ARRDC3: variants seen among roughly 807,000 people sequenced by gnomAD.
The protein encoded by ARRDC3 is arrestin domain-containing protein 3.
A neutral mutation model predicts 47.2 loss-of-function variants in ARRDC3; 10 were observed. That is an observed-to-expected ratio of 0.21 (90% CI 0.13 to 0.36). The LOEUF (loss-of-function observed/expected upper bound fraction) is 0.36, where lower values mean the gene tolerates loss of function less well. Ranked by LOEUF, ARRDC3 falls within the 10% of genes least tolerant of loss-of-function variation. ARRDC3 has a pLI of 1.00. For synonymous variants in ARRDC3, 156 were observed against 178.3 expected (o/e 0.87, Z 1.00); for missense variants, 381 against 503.6 (o/e 0.76, Z 2.33).
At position 91,375,560 on chromosome 5, in the gene ARRDC3, T is replaced by G. The variant is rs1451010514; in HGVS notation, c.564A>C (p.Ser188=). 1.2e-6 allele frequency: 2 copies of G among 1,612,200 alleles called. No individual in the cohort carries two copies. The highest frequency in any genetic ancestry group is 2.2e-5 in the South Asian group (2 of 90,834). The part of the protein sequence containing the change: ...EKTLCCWFCT[S]GPISLSAKIE... ...TTTTGGCACTTAAGGATATTGGGCC[T>G]GAGGTACAGAACCAGCAACAGAGTG... The change falls in exon 4 of 8, where the codon TCA becomes TCC. Residue 188 remains serine, a synonymous_variant. Transcript: ENST00000265138.
At chr5:91,376,168 G>A (rs1338150940) in intron 3 of ARRDC3, among the ~76,000 whole-genome samples, 1 of 152,048 alleles carries the variant, frequency 6.6e-6, no homozygotes, top group Non-Finnish European at 1.5e-5. Flanking sequence ...CTTTAAAAAA[G>A]GAGTTTTTTA....
intron 2 of ARRDC3, among the ~76,000 whole-genome samples, chr5:91,376,992 C>T (rs1343632802): frequency 6.6e-6 from 1 of 151,986 alleles, no homozygotes; most frequent in Non-Finnish European, 1.5e-5. Flanking sequence ...TTTAAAAAGC[C>T]AGAAGAATAC....
chr5:91,372,946 C>T (rs935495499), intron 7 of ARRDC3, among the ~76,000 whole-genome samples: 1 of 152,186 alleles, frequency 6.6e-6, no homozygotes, highest in African/African-American at 2.4e-5. Flanking sequence ...ACCCCACCTA[C>T]TCACTCCTTG....
rs1799095390 is a variant in ARRDC3 at position 91,368,671 on chromosome 5, G to A, written c.*2729C>T. ...TTTAATAGTTTAATTTAATGTGTTT[G>A]CATGTATGGTGAGTTACTAATATGA... On this transcript the variant is annotated 3_prime_UTR_variant, in exon 8 of 8. Transcript: ENST00000265138. 6.6e-6 allele frequency: 1 copy of A among 152,230 alleles called. No individual in the cohort carries two copies. Among genetic ancestry groups the A allele is most frequent in the African/African-American group, 2.4e-5 (1 of 41,414 alleles). The allele number at this position is 152,230 out of a possible 1,614,324, so 9.4% of individuals were successfully genotyped here. A position where few individuals can be genotyped will look rare whatever the true frequency, so the allele number is the denominator to read the frequency against.
At chr5:91,375,664 C>G (rs1208023858) in intron 3 of ARRDC3, 51 bp from the exon 4 acceptor site, 3 of 1,182,950 alleles carry the variant, frequency 2.5e-6, no homozygotes, top group African/African-American at 3.1e-5. Flanking sequence ...TTGGTACAAT[C>G]AATACCAGAA....
intron 1 of ARRDC3, 96 bp from the exon 2 acceptor site, chr5:91,378,871 A>G (rs1799370011): frequency 3.0e-6 from 2 of 658,398 alleles, no homozygotes; most frequent in East Asian, 6.4e-5. Context: ...CATAACAATT[A>G]AGACCACAAA....
intron 2 of ARRDC3, 80 bp from the exon 3 acceptor site, chr5:91,376,848 A>T (rs1799315776): frequency 7.6e-7 from 1 of 1,315,006 alleles, no homozygotes; most frequent in East Asian, 2.6e-5. Context: ...TAGAAGTGTT[A>T]ATATATTGTA....
At chr5:91,378,997 T>C (rs943646094) in intron 1 of ARRDC3, among the ~76,000 whole-genome samples, 3 of 152,084 alleles carry the variant, frequency 2.0e-5, no homozygotes, top group African/African-American at 2.4e-5. Flanking sequence ...TAATGAATAC[T>C]CACACCCCAC....
chr5:91,379,239 TGAATA>T (rs1324805171), intron 1 of ARRDC3, among the ~76,000 whole-genome samples: 1 of 137,104 alleles, frequency 7.3e-6, no homozygotes, highest in African/African-American at 2.8e-5. Context: ...ATACCAGATG[TGAATA>T]GAATAGATAC....
chr5:91,377,940 T>G (rs992917414), intron 2 of ARRDC3, among the ~76,000 whole-genome samples: 2 of 152,124 alleles, frequency 1.3e-5, no homozygotes, highest in East Asian at 3.8e-4. Flanking sequence ...CAAAATCTTA[T>G]GTAATCTGTT....
rs946231641 is a variant in ARRDC3 at position 91,369,397 on chromosome 5, C to G, written c.*2003G>C. On this transcript the variant is annotated 3_prime_UTR_variant, in exon 8 of 8. Transcript: ENST00000265138. ...TCAACAATAAAAAAATATTTCACCC[C>G]CATTTCCTTATTATCTAGTATTAGT... 3 of 151,972 alleles carry G rather than the reference C, an allele frequency of 2.0e-5. No individual in the cohort carries two copies. The highest frequency in any genetic ancestry group is 7.3e-5 in the African/African-American group (3 of 41,212). The allele number at this position is 151,972 out of a possible 1,614,324, so 9.4% of individuals were successfully genotyped here.
At position 91,375,189 on chromosome 5, in the gene ARRDC3, A is replaced by T. The variant is rs1156797980; in HGVS notation, c.614-11T>A. Reference sequence around the variant, plus strand: ...TCTGAATTGATTCACCTAGAGAGGGAAAAATATATACATATCTACTGTTAG... The same window carrying T: ...TCTGAATTGATTCACCTAGAGAGGGTAAAATATATACATATCTACTGTTAG... On this transcript the variant is annotated splice_polypyrimidine_tract_variant and intron_variant, in intron 4 of 7. Coordinates refer to ENST00000265138, the MANE Select transcript of ARRDC3 (RefSeq NM_020801.4). 1 of 1,609,456 alleles carries T rather than the reference A, an allele frequency of 6.2e-7. No homozygotes were observed. Among genetic ancestry groups the T allele is most frequent in the Non-Finnish European group, 8.5e-7 (1 of 1,178,524 alleles).
intron 3 of ARRDC3, among the ~76,000 whole-genome samples, chr5:91,376,090 T>C (rs1799292786): frequency 6.6e-6 from 1 of 152,188 alleles, no homozygotes. Flanking sequence ...TTACCATTTG[T>C]TTAAATCAAA....
Position 91,383,309 on chromosome 5 carries a change from TAC to T in ARRDC3, c.-219_-218del. ...CTCCCGCTCGTCTCAGTGGTCTCCT[TAC>T]AAAGACGGGCGGCTAAAAGCTGCCA... On this transcript the variant is annotated 5_prime_UTR_variant, in exon 1 of 8. Transcript: ENST00000265138. 1 of 469,016 alleles carries T rather than the reference TAC, an allele frequency of 2.1e-6. No individual in the cohort carries two copies. The highest frequency in any genetic ancestry group is 3.7e-6 in the Non-Finnish European group (1 of 270,288). The allele number at this position is 469,016 out of a possible 1,614,324, so 29.1% of individuals were successfully genotyped here. A position where few individuals can be genotyped will look rare whatever the true frequency, so the allele number is the denominator to read the frequency against.
At chr5:91,375,278 T>C (rs1429935561) in intron 4 of ARRDC3, 100 bp from the exon 5 acceptor site, 4 of 1,284,912 alleles carry the variant, frequency 3.1e-6, no homozygotes, top group African/African-American at 3.0e-5. Context: ...CTAACATACA[T>C]GAAAAGATGT....
At position 91,377,360 on chromosome 5, in the gene ARRDC3, C is replaced by T. The variant is rs953246180; in HGVS notation, c.363-592G>A. Among the ~76,000 whole-genome samples the T allele has an allele frequency of 2.6e-5, 4 of 151,964 alleles. No homozygotes were observed. The East Asian group carries it at 5.8e-4, about 22-fold the overall frequency. ...CTTGTTTGGCTGTTCTCTAACTTTA[C>T]GGGCTTCAAAAGAAAAAGATATAGT... On this transcript the variant is annotated intron_variant, in intron 2 of 7. Transcript: ENST00000265138.
At chr5:91,382,744 T>C in intron 1 of ARRDC3, 69 bp downstream of exon 1, 1 of 1,480,574 alleles carries the variant, frequency 6.8e-7, no homozygotes, top group Non-Finnish European at 9.2e-7. Context: ...ATCACGTTAA[T>C]TCAGAAAACT....
Position 91,383,018 on chromosome 5 carries a change from A to G in ARRDC3, c.75T>C (p.Ser25=), listed in dbSNP as rs756181217. The G allele has an allele frequency of 9.9e-6, 16 of 1,613,990 alleles. No individual in the cohort carries two copies. The highest frequency in any genetic ancestry group is 1.4e-5 in the Non-Finnish European group (16 of 1,179,884). Residue 25 remains serine, a synonymous_variant, in exon 1 of 8, where the codon TCT becomes TCC. Coordinates refer to ENST00000265138, the MANE Select transcript of ARRDC3 (RefSeq NM_020801.4). ...CLNDSNVPVY[S]SGDTVSGRVN... is the part of the protein sequence containing the mutation. ...CCCTTCCTGAGACGGTATCCCCACT[A>G]GAATACACAGGGACATTGCTGTCAT...
chr5:91,374,020 TATGTTCATCTAGGGTCATAAA>T, intron 6 of ARRDC3, 73 bp downstream of exon 6: 1 of 1,464,200 alleles, frequency 6.8e-7, no homozygotes, highest in Admixed American at 2.0e-5. Flanking sequence ...AGGAAAAGAT[TATGTTCATCTAGGGTCATAAA>T]ATATCAGAGG....
Sources: allele counts gnomAD v4.1 joint callset (sites outside exome capture counted in the v4.1 genomes callset), GRCh38; gene constraint gnomAD v4.1.1; transcripts MANE v1.5; gene names NCBI Gene and HGNC (gene_info 2026-07-23, HGNC 2026-07-21).